The following GRM8 variants were observed in gnomAD, a reference collection of about 807,000 sequenced individuals.
GRM8 encodes metabotropic glutamate receptor 8.
GRM8 carries 47 observed loss-of-function variants against 87.2 expected under a neutral mutation model. The ratio of observed to expected loss-of-function variants is 0.54; its 90% CI spans 0.43 to 0.69. The LOEUF (loss-of-function observed/expected upper bound fraction) is 0.69. Among genes scored for constraint, GRM8 ranks in the 30% least tolerant of loss-of-function variants. GRM8 has a pLI of 0.00. For missense variants in GRM8, 1,019 were observed against 1,139.2 expected (o/e 0.89, Z 1.52); for synonymous variants, 396 against 404.5 (o/e 0.98, Z 0.25).
chr7:126,701,837 TA>T (rs2151397251), intron 7 of GRM8: 1 of 1,212,838 alleles, frequency 8.2e-7, no homozygotes, highest in Non-Finnish European at 1.1e-6. Flanking sequence ...CCTAAGAAGA[TA>T]AGTCTGTCAG....
intron 8 of GRM8, among the ~76,000 whole-genome samples, chr7:126,588,111 C>A (rs1234318054): frequency 1.3e-5 from 2 of 151,988 alleles, no homozygotes; most frequent in African/African-American, 4.8e-5. Context: ...AATGAAATAA[C>A]CTGAATGTAA....
At chr7:126,701,025 C>A (rs1271231561) in intron 7 of GRM8, among the ~76,000 whole-genome samples, 1 of 151,972 alleles carries the variant, frequency 6.6e-6, no homozygotes, top group East Asian at 1.9e-4. Flanking sequence ...TTCCTTCCTT[C>A]TTTTAATAAA....
chr7:126,608,466 C>T (rs1798582751), intron 8 of GRM8, among the ~76,000 whole-genome samples: 1 of 152,304 alleles, frequency 6.6e-6, no homozygotes, highest in African/African-American at 2.4e-5. Context: ...TTTTGGGCAC[C>T]AATCCCAGGC....
At chr7:126,668,634 G>C (rs1042299919) in intron 7 of GRM8, among the ~76,000 whole-genome samples, 1 of 152,156 alleles carries the variant, frequency 6.6e-6, no homozygotes, top group Non-Finnish European at 1.5e-5. Flanking sequence ...TGGTCAAGGG[G>C]TTCAGCTCCA....
At chr7:127,036,179 T>C (rs1164284580) in intron 3 of GRM8, among the ~76,000 whole-genome samples, 1 of 152,150 alleles carries the variant, frequency 6.6e-6, no homozygotes. Flanking sequence ...TTGGTATAAG[T>C]GCAGTTCTAA....
chr7:127,006,929 A>T (rs1254804905), intron 3 of GRM8, among the ~76,000 whole-genome samples: 1 of 152,040 alleles, frequency 6.6e-6, no homozygotes, highest in Non-Finnish European at 1.5e-5. Flanking sequence ...AATGTGGAAG[A>T]TGTCTCACCA....
At chr7:127,179,365 T>A (rs563799964) in intron 2 of GRM8, among the ~76,000 whole-genome samples, 1 of 152,094 alleles carries the variant, frequency 6.6e-6, no homozygotes, top group East Asian at 1.9e-4. Context: ...CAATTACTAA[T>A]AGACCTAAGA....
At chr7:126,951,947 C>A (rs570233504) in intron 3 of GRM8, among the ~76,000 whole-genome samples, 1 of 151,564 alleles carries the variant, frequency 6.6e-6, no homozygotes, top group African/African-American at 2.4e-5. Flanking sequence ...AGGCTTAGAG[C>A]AATGACATCC....
intron 3 of GRM8, among the ~76,000 whole-genome samples, chr7:126,973,747 C>G (rs1352125502): frequency 2.0e-5 from 3 of 151,990 alleles, no homozygotes; most frequent in Non-Finnish European, 2.9e-5. Context: ...TTATGTATCA[C>G]TAAGAAAGAT....
At chr7:127,241,511 G>A (rs1032667729) in intron 2 of GRM8, among the ~76,000 whole-genome samples, 19 of 147,408 alleles carry the variant, frequency 1.3e-4, no homozygotes, top group African/African-American at 3.5e-4. Context: ...TCGGCTCATC[G>A]CAACCTCCAC....
chr7:126,646,405 G>T (rs890691112), intron 7 of GRM8, among the ~76,000 whole-genome samples: 2 of 151,992 alleles, frequency 1.3e-5, no homozygotes, highest in African/African-American at 4.8e-5. Context: ...TCAGCCAAAG[G>T]TCTCAAAAAA....
chr7:126,806,450 C>T (rs868075297), intron 6 of GRM8, among the ~76,000 whole-genome samples: 49 of 152,358 alleles, frequency 3.2e-4, no homozygotes, highest in Middle Eastern at 3.4e-3. Flanking sequence ...GACCCGAGTG[C>T]ATTGTGGCTG....
Position 126,725,406 on chromosome 7 carries a change from A to C in GRM8, c.1357+44459T>G, listed in dbSNP as rs148990380. ...CTTTCCAAGACTTACACTGCCTAGGACGAAGGTCCACAATCCCTATGTTGA... is the reference window on the plus strand; with the variant it reads ...CTTTCCAAGACTTACACTGCCTAGGCCGAAGGTCCACAATCCCTATGTTGA... On this transcript the variant is annotated intron_variant, in intron 7 of 10. Coordinates refer to ENST00000339582, the MANE Select transcript of GRM8 (RefSeq NM_000845.3). Among the ~76,000 whole-genome samples, 427 of 152,296 alleles carry C rather than the reference A, an allele frequency of 2.8e-3. 6 individuals carry two copies. The highest frequency in any genetic ancestry group is 9.8e-3 in the African/African-American group (406 of 41,576).
chr7:126,984,856 C>T (rs1195323672), intron 3 of GRM8, among the ~76,000 whole-genome samples: 1 of 152,106 alleles, frequency 6.6e-6, no homozygotes, highest in East Asian at 1.9e-4. Flanking sequence ...TACCATTTTA[C>T]TTAGGAGTAA....
intron 2 of GRM8, 39 bp downstream of exon 2, chr7:127,242,656 T>G: frequency 6.4e-7 from 1 of 1,573,558 alleles, no homozygotes. Context: ...CATTTCATTG[T>G]TCTTTCACAA....
chr7:126,531,853 A>G (rs2150848903), intron 9 of GRM8, among the ~76,000 whole-genome samples: 1 of 152,316 alleles, frequency 6.6e-6, no homozygotes, highest in Non-Finnish European at 1.5e-5. Flanking sequence ...CTGCTGGGTC[A>G]TGCAGAACCT....
chr7:126,732,929 C>A (rs1813765919), intron 7 of GRM8, among the ~76,000 whole-genome samples: 1 of 152,128 alleles, frequency 6.6e-6, no homozygotes, highest in African/African-American at 2.4e-5. Context: ...GGGCTACATG[C>A]ACGTGTCCCA....
chr7:126,901,447 G>A (rs1418042218), intron 6 of GRM8, among the ~76,000 whole-genome samples: 3 of 152,172 alleles, frequency 2.0e-5, no homozygotes, highest in Non-Finnish European at 4.4e-5. Context: ...ATGTAAGCCC[G>A]TGAGCATGAA....
At chr7:126,509,634 C>T (rs1811030314) in intron 9 of GRM8, among the ~76,000 whole-genome samples, 1 of 151,952 alleles carries the variant, frequency 6.6e-6, no homozygotes, top group Admixed American at 6.6e-5. Flanking sequence ...TAATTATCAC[C>T]TCCAATTACA....
Sources: allele counts gnomAD v4.1 joint callset (sites outside exome capture counted in the v4.1 genomes callset), GRCh38; gene constraint gnomAD v4.1.1; transcripts MANE v1.5; gene names NCBI Gene and HGNC (gene_info 2026-07-23, HGNC 2026-07-21).